The following ADGRL3 variants were observed in gnomAD, a reference collection of about 807,000 sequenced individuals.
ADGRL3 encodes the protein calcium-independent alpha-latrotoxin receptor 3.
ADGRL3 carries 62 observed loss-of-function variants against 153.5 expected under a neutral mutation model. That is an observed-to-expected ratio of 0.40 (90% CI 0.33 to 0.50). ADGRL3 has a LOEUF of 0.50. Ranked by LOEUF, ADGRL3 falls within the 20% of genes least tolerant of loss-of-function variation. ADGRL3 has a pLI of 0.47. For missense variants in ADGRL3, 1,641 were observed against 1,859.4 expected (o/e 0.88, Z 2.16); for synonymous variants, 710 against 672.5 (o/e 1.06, Z -0.86).
At chr4:61,450,050 A>T (rs2097654914) in intron 2 of ADGRL3, among the ~76,000 whole-genome samples, 1 of 152,232 alleles carries the variant, frequency 6.6e-6, no homozygotes, top group African/African-American at 2.4e-5. Flanking sequence ...AAGCCACGTT[A>T]GAATAGTAAG....
At chr4:61,993,285 C>G (rs1004075760) in intron 19 of ADGRL3, among the ~76,000 whole-genome samples, 1 of 86,520 alleles carries the variant, frequency 1.2e-5, no homozygotes, top group Non-Finnish European at 2.5e-5. Context: ...TTTTTTCTTT[C>G]TTTCCTTTTT....
chr4:62,044,027 T>G (rs1202981495), intron 24 of ADGRL3, among the ~76,000 whole-genome samples: 1 of 152,040 alleles, frequency 6.6e-6, no homozygotes, highest in Non-Finnish European at 1.5e-5. Flanking sequence ...TTTCTTAAAC[T>G]AAATCTTTTG....
intron 4 of ADGRL3, among the ~76,000 whole-genome samples, chr4:61,564,111 G>A (rs888636666): frequency 2.0e-5 from 3 of 152,036 alleles, no homozygotes; most frequent in African/African-American, 7.2e-5. Flanking sequence ...TTATAGAATT[G>A]AAAAGAGTAA....
rs1466655648 is a variant in ADGRL3 at position 61,948,098 on chromosome 4, A to G, written c.2629-2A>G. 1 of 1,608,228 alleles carries G rather than the reference A, an allele frequency of 6.2e-7. No individual in the cohort carries two copies. Among genetic ancestry groups the G allele is most frequent in the African/African-American group, 1.3e-5 (1 of 74,796 alleles). The stretch of plus-strand genomic sequence containing the variant: ...ATTTTATGGATTTTTTTTCCCCTGT[A>G]GCAGTCAGAGGAAAATTTCAACCCT... On this transcript the variant is annotated splice_acceptor_variant, in intron 16 of 26. Coordinates refer to ENST00000683033, the MANE Select transcript of ADGRL3 (RefSeq NM_001387552.1). LOFTEE classifies it high-confidence loss of function.
intron 2 of ADGRL3, among the ~76,000 whole-genome samples, chr4:61,466,051 G>A (rs1029168126): frequency 6.6e-5 from 10 of 151,822 alleles, no homozygotes; most frequent in Non-Finnish European, 1.3e-4. Context: ...GAACTCGGGA[G>A]GCGGATGTTG....
intron 3 of ADGRL3, among the ~76,000 whole-genome samples, chr4:61,497,834 A>G (rs1006738480): frequency 6.6e-6 from 1 of 151,920 alleles, no homozygotes; most frequent in Non-Finnish European, 1.5e-5. Context: ...CATAATGTGT[A>G]TTTTAAGCTG....
intron 3 of ADGRL3, among the ~76,000 whole-genome samples, chr4:61,515,859 A>G: frequency 6.6e-6 from 1 of 152,178 alleles, no homozygotes; most frequent in Non-Finnish European, 1.5e-5. Flanking sequence ...AAAAGTTCAG[A>G]AATGATGCCA....
intron 13 of ADGRL3, among the ~76,000 whole-genome samples, chr4:61,918,013 C>T (rs749516108): frequency 2.0e-5 from 3 of 152,158 alleles, no homozygotes; most frequent in Non-Finnish European, 2.9e-5. Context: ...CTCTCTGATG[C>T]GTGTTACAAG....
chr4:61,380,200 G>T (rs1350866164), intron 1 of ADGRL3, among the ~76,000 whole-genome samples: 1 of 151,930 alleles, frequency 6.6e-6, no homozygotes, highest in Non-Finnish European at 1.5e-5. Flanking sequence ...CATTTTCTGT[G>T]TGTGTGTTTG....
At chr4:61,469,740 T>A (rs2097923120) in intron 2 of ADGRL3, among the ~76,000 whole-genome samples, 1 of 152,068 alleles carries the variant, frequency 6.6e-6, no homozygotes, top group South Asian at 2.1e-4. Context: ...AGCGTAAGAA[T>A]GTTGCACAAA....
intron 2 of ADGRL3, among the ~76,000 whole-genome samples, chr4:61,446,304 T>G (rs2097581451): frequency 6.6e-6 from 1 of 152,222 alleles, no homozygotes; most frequent in African/African-American, 2.4e-5. Flanking sequence ...ACTTCAGACT[T>G]GTCTAATCCA....
intron 1 of ADGRL3, among the ~76,000 whole-genome samples, chr4:61,257,836 GGTGTGT>G (rs10635406): frequency 2.7e-4 from 40 of 150,632 alleles, no homozygotes; most frequent in Non-Finnish European, 3.6e-4. Context: ...TTGAATTAGA[GGTGTGT>G]GTGTGTGTGT....
chr4:61,804,974 G>A (rs921989344), intron 8 of ADGRL3, among the ~76,000 whole-genome samples: 4 of 105,594 alleles, frequency 3.8e-5, no homozygotes, highest in African/African-American at 1.6e-4. Flanking sequence ...TTTTTTTTTT[G>A]AGACGGAGTC....
At chr4:61,261,062 G>A (rs138609229) in intron 1 of ADGRL3, among the ~76,000 whole-genome samples, 273 of 152,044 alleles carry the variant, frequency 1.8e-3, no homozygotes, top group African/African-American at 6.0e-3. Flanking sequence ...AAAAATATCC[G>A]TTTACCAAGG....
In ADGRL3 at chr4:62,074,674, C is replaced by A. The variant is rs1294928544; in HGVS notation, c.*3766C>A. On this transcript the variant is annotated 3_prime_UTR_variant, in exon 27 of 27. Coordinates refer to ENST00000683033, the MANE Select transcript of ADGRL3 (RefSeq NM_001387552.1). ...TCAGGAAAATATCTAACAAAAAGCA[C>A]GTAAGGGAAATATCCTTAACTTCCT... The A allele has an allele frequency of 6.6e-6, 1 of 152,008 alleles. No homozygotes were observed. The highest frequency in any genetic ancestry group is 2.4e-5 in the African/African-American group (1 of 41,382). 9.4% of individuals were successfully genotyped at this position (152,008 alleles called of 1,614,324 possible).
intron 1 of ADGRL3, among the ~76,000 whole-genome samples, chr4:61,361,376 A>C (rs2096279697): frequency 6.6e-6 from 1 of 152,200 alleles, no homozygotes; most frequent in Non-Finnish European, 1.5e-5. Context: ...CATGACTGTA[A>C]AAAGCATCAT....
chr4:61,792,043 A>C (rs1464950312), intron 8 of ADGRL3, among the ~76,000 whole-genome samples: 2 of 152,192 alleles, frequency 1.3e-5, no homozygotes, highest in Non-Finnish European at 2.9e-5. Flanking sequence ...CTTGGGGATT[A>C]ACATTCAGCT....
intron 22 of ADGRL3, among the ~76,000 whole-genome samples, chr4:62,029,865 ATTCT>A (rs1360392514): frequency 6.6e-6 from 1 of 151,532 alleles, no homozygotes; most frequent in African/African-American, 2.4e-5. Flanking sequence ...TTTAATGGCA[ATTCT>A]TATTTTTTCT....
intron 2 of ADGRL3, among the ~76,000 whole-genome samples, chr4:61,450,372 T>G (rs1054811600): frequency 4.5e-4 from 69 of 152,304 alleles, no homozygotes; most frequent in African/African-American, 1.6e-3. Flanking sequence ...TTCTTTTAAA[T>G]GTTGAATTCT....
Sources: gnomAD v4.1 joint callset for allele counts (sites outside exome capture counted in the v4.1 genomes callset) on GRCh38, gnomAD v4.1.1 for gene constraint, MANE v1.5 for transcripts, NCBI Gene and HGNC (gene_info 2026-07-23, HGNC 2026-07-21) for gene names.